The following AP2M1 variants were observed in gnomAD, a reference collection of about 807,000 sequenced individuals.
AP2M1 encodes the protein AP-2 complex subunit mu.
Under a neutral mutation model 54.5 loss-of-function variants are expected in AP2M1, and 5 were observed. The ratio of observed to expected loss-of-function variants is 0.09; its 90% confidence interval spans 0.05 to 0.19. The LOEUF (loss-of-function observed/expected upper bound fraction) is 0.19. Ranked by LOEUF, AP2M1 falls within the 10% of genes least tolerant of loss-of-function variation. The probability of loss-of-function intolerance (pLI) is 1.00; values close to 1 mark genes in which losing one functional copy is unlikely to be tolerated. For missense variants in AP2M1, 178 were observed against 580.2 expected (o/e 0.31, Z 7.12); for synonymous variants, 186 against 208.2 (o/e 0.89, Z 0.92).
At position 184,177,014 on chromosome 3, in the gene AP2M1, C is replaced by T. The variant is rs1383966982; in HGVS notation, c.21C>T (p.Ile7=). 2.5e-6 allele frequency: 4 copies of T among 1,613,844 alleles called. No homozygotes were observed. The highest frequency in any genetic ancestry group is 3.4e-6 in the Non-Finnish European group (4 of 1,179,980). Residue 7 remains isoleucine, a synonymous_variant, in exon 2 of 12, where the codon ATC becomes ATT. Transcript: ENST00000292807. MIGGLF[I]YNHKGEVLIS... ...CCGCCATGATTGGAGGCTTATTCAT[C>T]TATAATCACAAGGGGGAGGTGCTCA... is the stretch of plus-strand genomic sequence containing the variant.
intron 1 of AP2M1, among the ~76,000 whole-genome samples, chr3:184,175,713 T>A (rs1715051885): frequency 6.6e-6 from 1 of 152,090 alleles, no homozygotes; most frequent in Non-Finnish European, 1.5e-5. Flanking sequence ...TAACTAAATG[T>A]TCCATTCTTG....
Position 184,180,405 on chromosome 3 carries a change from T to C in AP2M1, c.423+154T>C. On this transcript the variant is annotated intron_variant, in intron 4 of 11. Transcript: ENST00000292807. The surrounding 1 kb of genome is among the most constrained non-coding windows in gnomAD (Gnocchi z 4.9). Reference sequence around the variant, plus strand: ...CCATGATTGCAGGCCGATTTTGCTCTGTGTGGTCCTCCCACTGCAGGAGCA... The same window carrying C: ...CCATGATTGCAGGCCGATTTTGCTCCGTGTGGTCCTCCCACTGCAGGAGCA... 1.8e-6 allele frequency: 2 copies of C among 1,090,362 alleles called. No homozygotes were observed. The highest frequency in any genetic ancestry group is 2.6e-6 in the Non-Finnish European group (2 of 757,854). 67.5% of individuals were successfully genotyped at this position (1,090,362 alleles called of 1,614,324 possible).
At position 184,180,448 on chromosome 3, in the gene AP2M1, A is replaced by G. The variant is rs1715233355; in HGVS notation, c.423+197A>G. Reference sequence around the variant, plus strand: ...CAGGAGCAGCCAATTCAGCATCTCTATTACCAGGAATACAGCTCAAGCAGT... The same window carrying G: ...CAGGAGCAGCCAATTCAGCATCTCTGTTACCAGGAATACAGCTCAAGCAGT... On this transcript the variant is annotated intron_variant, in intron 4 of 11. Coordinates refer to ENST00000292807, the MANE Select transcript of AP2M1 (RefSeq NM_004068.4). This position sits in a 1 kb window ranked among gnomAD's most constrained non-coding sequence, Gnocchi z 4.9. The G allele has an allele frequency of 1.9e-6, 2 of 1,046,546 alleles. No homozygotes were observed. Among genetic ancestry groups the G allele is most frequent in the Non-Finnish European group, 1.4e-6 (1 of 716,534 alleles). The allele number at this position is 1,046,546 out of a possible 1,614,324, so 64.8% of individuals were successfully genotyped here.
At chr3:184,176,534 C>CT (rs1037373515) in intron 1 of AP2M1, among the ~76,000 whole-genome samples, 1 of 152,194 alleles carries the variant, frequency 6.6e-6, no homozygotes, top group African/African-American at 2.4e-5. Context: ...GGCCCCAGGC[C>CT]TGAACCAACT....
chr3:184,175,768 A>G (rs952151546), intron 1 of AP2M1, among the ~76,000 whole-genome samples: 2 of 150,494 alleles, frequency 1.3e-5, no homozygotes, highest in Non-Finnish European at 3.0e-5. Flanking sequence ...GCTACCTACC[A>G]CTCGATACCT....
At position 184,182,961 on chromosome 3, in the gene AP2M1, G is replaced by A. The variant is rs997962942; in HGVS notation, c.1173+93G>A. 72 of 1,039,748 alleles carry A rather than the reference G, an allele frequency of 6.9e-5. 1 individual carries two copies. The highest frequency in any genetic ancestry group is 7.4e-6 in the Non-Finnish European group (5 of 676,758). The allele number at this position is 1,039,748 out of a possible 1,614,324, so 64.4% of individuals were successfully genotyped here. ...TAAACTGCTGCACCTTAGAGGTGAG[G>A]AAACTGAGGCCTAGAAAGAAGAACT... On this transcript the variant is annotated intron_variant, in intron 11 of 11. Coordinates refer to ENST00000292807, the MANE Select transcript of AP2M1 (RefSeq NM_004068.4). The surrounding 1 kb of genome is among the most constrained non-coding windows in gnomAD (Gnocchi z 5.5).
At chr3:184,176,025 G>C (rs1715062748) in intron 1 of AP2M1, among the ~76,000 whole-genome samples, 1 of 152,206 alleles carries the variant, frequency 6.6e-6, no homozygotes, top group Admixed American at 6.5e-5. Flanking sequence ...TTCTCAAACA[G>C]TCTAAATTAA....
Position 184,180,779 on chromosome 3 carries a change from G to A in AP2M1, c.430-70G>A. 1 of 1,614,158 alleles carries A rather than the reference G, an allele frequency of 6.2e-7. No homozygotes were observed. Among genetic ancestry groups the A allele is most frequent in the Non-Finnish European group, 8.5e-7 (1 of 1,180,006 alleles). On this transcript the variant is annotated intron_variant, in intron 5 of 11. Transcript: ENST00000292807. The surrounding 1 kb of genome is among the most constrained non-coding windows in gnomAD (Gnocchi z 4.9). ...AGGGATGGGGAATGAGGGTGGAGTG[G>A]GGATAGAGACAGGATGATTAAAGGG...
At chr3:184,177,662 T>C in intron 2 of AP2M1, 1 of 1,493,628 alleles carries the variant, frequency 6.7e-7, no homozygotes, top group Non-Finnish European at 9.0e-7. Flanking sequence ...CATGCTACCC[T>C]CTCAGTAGAC....
chr3:184,179,617 G>A (rs1352584674), intron 3 of AP2M1, among the ~76,000 whole-genome samples: 1 of 151,276 alleles, frequency 6.6e-6, no homozygotes, highest in Non-Finnish European at 1.5e-5. Context: ...AAAGCTTCTT[G>A]ACTTGCCACC....
At chr3:184,179,702 C>A (rs1246809748) in intron 3 of AP2M1, among the ~76,000 whole-genome samples, 1 of 146,188 alleles carries the variant, frequency 6.8e-6, no homozygotes, top group Non-Finnish European at 1.5e-5. Context: ...GCTCTTGTCA[C>A]CTATGCTGAG....
rs1715271967 is a variant in AP2M1, at chr3:184,181,489, A to G, written c.708-207A>G. The G allele has an allele frequency of 1.2e-6, 1 of 834,768 alleles. No individual in the cohort carries two copies. Among genetic ancestry groups the G allele is most frequent in the Admixed American group, 2.8e-5 (1 of 35,350 alleles). 51.7% of individuals were successfully genotyped at this position (834,768 alleles called of 1,614,324 possible). A position where few individuals can be genotyped will look rare whatever the true frequency, so the allele number is the denominator to read the frequency against. ...AGCCTCTGCCCAGTGTGCCTGAAACACCCAGGTCCCTAGCAGAAGGAGCCC... is the reference window on the plus strand; with the variant it reads ...AGCCTCTGCCCAGTGTGCCTGAAACGCCCAGGTCCCTAGCAGAAGGAGCCC... On this transcript the variant is annotated intron_variant, in intron 7 of 11. Transcript: ENST00000292807. This position sits in a 1 kb window ranked among gnomAD's most constrained non-coding sequence, Gnocchi z 5.7.
chr3:184,183,520 G>A lies in AP2M1; in HGVS notation c.1212G>A (p.Leu404=), dbSNP rs1715343057. The A allele has an allele frequency of 6.2e-7, 1 of 1,613,972 alleles. No individual in the cohort carries two copies. Among genetic ancestry groups the A allele is most frequent in the Non-Finnish European group, 8.5e-7 (1 of 1,179,926 alleles). Residue 404 remains leucine, a synonymous_variant, in exon 12 of 12, where the codon TTG becomes TTA. Coordinates refer to ENST00000292807, the MANE Select transcript of AP2M1 (RefSeq NM_004068.4). This position sits in a 1 kb window ranked among gnomAD's most constrained non-coding sequence, Gnocchi z 5.7. ...CCTCTGGCCTCAAGGTGCGCTACTT[G>A]AAGGTGTTTGAACCGAAGCTGAACT... ...FAPSGLKVRY[L]KVFEPKLNYS... is the part of the protein sequence containing the mutation.
In AP2M1 at chr3:184,178,799, C is replaced by T. The variant is rs1259520452; in HGVS notation, c.75-58C>T. On this transcript the variant is annotated intron_variant, in intron 2 of 11. Coordinates refer to ENST00000292807, the MANE Select transcript of AP2M1 (RefSeq NM_004068.4). This position sits in a 1 kb window ranked among gnomAD's most constrained non-coding sequence, Gnocchi z 4.9. Reference sequence around the variant, plus strand: ...GGGCTGTTAGCAGCTGTGGTTGATCCTTATGGGGTAAGGTTCACCTGGGTG... The same window carrying T: ...GGGCTGTTAGCAGCTGTGGTTGATCTTTATGGGGTAAGGTTCACCTGGGTG... 1.9e-6 allele frequency: 3 copies of T among 1,587,300 alleles called. No homozygotes were observed. The highest frequency in any genetic ancestry group is 2.7e-5 in the African/African-American group (2 of 74,448).
In AP2M1 at chr3:184,183,653, C is replaced by A. The variant is rs1163049323; in HGVS notation, c.*37C>A. On this transcript the variant is annotated 3_prime_UTR_variant, in exon 12 of 12. Coordinates refer to ENST00000292807, the MANE Select transcript of AP2M1 (RefSeq NM_004068.4). This position sits in a 1 kb window ranked among gnomAD's most constrained non-coding sequence, Gnocchi z 5.7. ...CAGCTAGCCCACCTCCCCAGCCACCCTCCTCCACAGGTCCAGGTGCCGCTC... is the reference window on the plus strand; with the variant it reads ...CAGCTAGCCCACCTCCCCAGCCACCATCCTCCACAGGTCCAGGTGCCGCTC... 1.2e-6 allele frequency: 2 copies of A among 1,608,064 alleles called. No individual in the cohort carries two copies. The highest frequency in any genetic ancestry group is 2.2e-5 in the South Asian group (2 of 90,766).
chr3:184,181,146 G>T lies in AP2M1; in HGVS notation c.627G>T (p.Met209Ile), dbSNP rs745352586. 1 of 1,614,204 alleles carries T rather than the reference G, an allele frequency of 6.2e-7. No homozygotes were observed. Among genetic ancestry groups the T allele is most frequent in the Non-Finnish European group, 8.5e-7 (1 of 1,180,042 alleles). The change falls in exon 7 of 12, where the codon ATG becomes ATT. Residue 209 changes from methionine to isoleucine, a missense_variant. By Grantham distance (10) the Met-to-Ile change is conservative. This residue lies in a region of AP2M1 where 115 missense variants were observed against 331.2 expected (regional missense o/e 0.35). Coordinates refer to ENST00000292807, the MANE Select transcript of AP2M1 (RefSeq NM_004068.4). This position sits in a 1 kb window ranked among gnomAD's most constrained non-coding sequence, Gnocchi z 5.7. Reference protein sequence around the residue: ...RVVMKSYLSGMPECKFGMNDK... With the variant: ...RVVMKSYLSGIPECKFGMNDK... ...TGATGAAGAGCTACCTGAGTGGCAT[G>T]CCTGAATGCAAGTTTGGGATGAATG...
rs776149683 is a variant in AP2M1, at chr3:184,180,827, G to T, written c.430-22G>T. The T allele has an allele frequency of 6.2e-7, 1 of 1,614,250 alleles. No individual in the cohort carries two copies. Among genetic ancestry groups the T allele is most frequent in the Non-Finnish European group, 8.5e-7 (1 of 1,180,046 alleles). ...GGGACAGAGGAGTGAGGCCATTGCT[G>T]TTTGTTTCTGCCCTCATGTAGACAA... is the stretch of plus-strand genomic sequence containing the variant. On this transcript the variant is annotated intron_variant, in intron 5 of 11. Transcript: ENST00000292807. This position sits in a 1 kb window ranked among gnomAD's most constrained non-coding sequence, Gnocchi z 4.9.
At position 184,177,014 on chromosome 3, in the gene AP2M1, C is replaced by A. The variant is rs1383966982; in HGVS notation, c.21C>A (p.Ile7=). 6.2e-7 allele frequency: 1 copy of A among 1,613,962 alleles called. No individual in the cohort carries two copies. The part of the protein sequence containing the change: MIGGLF[I]YNHKGEVLIS... ...CCGCCATGATTGGAGGCTTATTCAT[C>A]TATAATCACAAGGGGGAGGTGCTCA... Residue 7 remains isoleucine (I), a synonymous_variant, in exon 2 of 12, where the codon ATC becomes ATA. Coordinates refer to ENST00000292807, the MANE Select transcript of AP2M1 (RefSeq NM_004068.4).
At chr3:184,179,657 CTTTTCT>C (rs1715204532) in intron 3 of AP2M1, among the ~76,000 whole-genome samples, 2 of 112,178 alleles carry the variant, frequency 1.8e-5, no homozygotes, top group Admixed American at 8.5e-5. Flanking sequence ...CTATTGATTT[CTTTTCT>C]TTTTTTTTTT....
Sources: gnomAD v4.1 joint callset for allele counts (sites outside exome capture counted in the v4.1 genomes callset) on GRCh38, gnomAD v4.1.1 for gene constraint, gnomAD v4.1.1 regional missense constraint, Gnocchi (gnomAD v3.1) non-coding constraint, MANE v1.5 for transcripts, NCBI Gene and HGNC (gene_info 2026-07-23, HGNC 2026-07-21) for gene names.